TMEM132A: variants seen among roughly 807,000 people sequenced by gnomAD.
TMEM132A encodes the protein GRP78-binding protein.
TMEM132A carries 48 observed loss-of-function variants against 69.9 expected under a neutral mutation model. That is an observed-to-expected ratio of 0.69 (90% CI 0.55 to 0.87). TMEM132A has a LOEUF of 0.87. Among genes scored for constraint, TMEM132A ranks in the 40% least tolerant of loss-of-function variants. The pLI, the probability that TMEM132A is intolerant of heterozygous loss-of-function variation, is 0.00. For synonymous variants in TMEM132A, 577 were observed against 613.7 expected (o/e 0.94, Z 0.88); for missense variants, 1,287 against 1,407.2 (o/e 0.91, Z 1.37).
rs767027606 is a variant in TMEM132A at position 60,927,675 on chromosome 11, G to A, written c.350G>A (p.Arg117Gln). The A allele has an allele frequency of 1.7e-5, 28 of 1,613,050 alleles. 1 individual carries two copies. The East Asian group carries it at 5.8e-4, about 33-fold the overall frequency. Residue 117 changes from arginine to glutamine, a missense_variant, in exon 3 of 11, where the codon CGG (arginine) becomes CAG (glutamine). Transcript: ENST00000453848. ...VPPRVTEPHQ[R>Q]PVPWDVRAVS... Reference sequence around the variant, plus strand: ...CCTCGAGTCACTGAGCCCCACCAACGGCCAGTCCCATGGGACGTGCGGGCC... The same window carrying A: ...CCTCGAGTCACTGAGCCCCACCAACAGCCAGTCCCATGGGACGTGCGGGCC...
At position 60,935,416 on chromosome 11, in the gene TMEM132A, ACAGT is replaced by A; in HGVS notation, c.2005_2008del (p.Ser669ProfsTer59). 2 of 1,609,242 alleles carry A rather than the reference ACAGT, an allele frequency of 1.2e-6. No homozygotes were observed. The highest frequency in any genetic ancestry group is 2.2e-5 in the East Asian group (1 of 44,708). On this transcript the variant is annotated frameshift_variant, in exon 10 of 11. Transcript: ENST00000453848. LOFTEE classifies it high-confidence loss of function. The surrounding 1 kb of genome is among the most constrained non-coding windows in gnomAD (Gnocchi z 5.0). ...GGGAGGTCACAGCTACGTGCTGGGC[ACAGT>A]CAGCCCTTCCCGCCCCAAAGCAGGT...
rs768837760 is a variant in TMEM132A at position 60,936,698 on chromosome 11, G to A, written c.2863G>A (p.Glu955Lys). ...CTCCTCAAGCACCCTGGCCCGAAAGGAGGCTGGGGGGCGGCGGAAGCGAGT... is the reference window on the plus strand; with the variant it reads ...CTCCTCAAGCACCCTGGCCCGAAAGAAGGCTGGGGGGCGGCGGAAGCGAGT... ...TSSSSTLARK[E>K]AGGRRKRVEF... The change falls in exon 11 of 11, where the codon GAG (glutamate) becomes AAG (lysine). Residue 955 changes from glutamate (E) to lysine (K), a missense_variant. Physicochemically the swap from Glu to Lys is moderately conservative, Grantham distance 56 (BLOSUM62 1). Coordinates refer to ENST00000453848, the MANE Select transcript of TMEM132A (RefSeq NM_178031.3). 1.3e-6 allele frequency: 2 copies of A among 1,569,352 alleles called. No homozygotes were observed. Among genetic ancestry groups the A allele is most frequent in the Non-Finnish European group, 1.7e-6 (2 of 1,158,008 alleles).
intron 1 of TMEM132A, chr11:60,926,435 A>G (rs1357818972): frequency 2.0e-5 from 3 of 152,394 alleles, no homozygotes; most frequent in African/African-American, 7.2e-5. Context: ...GAGTTCATAT[A>G]CATACAGTAT....
In TMEM132A at chr11:60,935,672, C is replaced by T; in HGVS notation, c.2029-192C>T. The T allele has an allele frequency of 1.2e-6, 1 of 800,050 alleles. No homozygotes were observed. Among genetic ancestry groups the T allele is most frequent in the Non-Finnish European group, 1.9e-6 (1 of 514,538 alleles). The allele number at this position is 800,050 out of a possible 1,614,324, so 49.6% of individuals were successfully genotyped here. Reference sequence around the variant, plus strand: ...CTCTAACTGAGGACCCTCCCAATAACTCAGACCCTAGGGCTGAGTGGCAGA... The same window carrying T: ...CTCTAACTGAGGACCCTCCCAATAATTCAGACCCTAGGGCTGAGTGGCAGA... On this transcript the variant is annotated intron_variant, in intron 10 of 10. Transcript: ENST00000453848. The surrounding 1 kb of genome is among the most constrained non-coding windows in gnomAD (Gnocchi z 5.0).
rs1238894240 is a variant in TMEM132A at position 60,935,946 on chromosome 11, T to C, written c.2111T>C (p.Leu704Pro). The change falls in exon 11 of 11, where the codon CTG becomes CCG. Residue 704 changes from leucine to proline, a missense_variant. By Grantham distance (98) the Leu-to-Pro change is moderately conservative (BLOSUM62 -3). Transcript: ENST00000453848. This position sits in a 1 kb window ranked among gnomAD's most constrained non-coding sequence, Gnocchi z 5.0. ...AELYDRRDLG[L>P]SVSAEEPGAI... is the part of the protein sequence containing the mutation. ...CTCTACGACCGCCGTGACCTGGGACTGTCCGTCTCAGCCGAGGAGCCTGGT... is the reference window on the plus strand; with the variant it reads ...CTCTACGACCGCCGTGACCTGGGACCGTCCGTCTCAGCCGAGGAGCCTGGT... 3 of 1,611,926 alleles carry C rather than the reference T, an allele frequency of 1.9e-6. No homozygotes were observed. Among genetic ancestry groups the C allele is most frequent in the Admixed American group, 1.7e-5 (1 of 60,014 alleles).
chr11:60,937,015 C>A lies in TMEM132A; in HGVS notation c.*108C>A. ...CGTCTGGTGCTTGTTGATCCAAGTC[C>A]CCTGCCTGGTCCCCCACAAGGACTC... On this transcript the variant is annotated 3_prime_UTR_variant, in exon 11 of 11. Transcript: ENST00000453848. 1 of 1,286,526 alleles carries A rather than the reference C, an allele frequency of 7.8e-7. No individual in the cohort carries two copies. The highest frequency in any genetic ancestry group is 1.0e-6 in the Non-Finnish European group (1 of 959,366). 79.7% of individuals were successfully genotyped at this position (1,286,526 alleles called of 1,614,324 possible). A position where few individuals can be genotyped will look rare whatever the true frequency, so the allele number is the denominator to read the frequency against.
rs1346849448 is a variant in TMEM132A, at chr11:60,933,729, C to T, written c.1544C>T (p.Pro515Leu). Residue 515 changes from proline (P) to leucine (L), a missense_variant, in exon 8 of 11, where the codon CCT becomes CTT. By Grantham distance (98) the Pro-to-Leu change is moderately conservative (BLOSUM62 -3). Transcript: ENST00000453848. The stretch of plus-strand genomic sequence containing the variant: ...GAGCAGGTCCGCGGCTGGAGGGTAC[C>T]TGGCCCTGCTGAAGGGTGAGTGGAG... ...TLEQVRGWRVPGPAEGPAEPA... is the reference protein window; with the variant it reads ...TLEQVRGWRVLGPAEGPAEPA... 6.3e-7 allele frequency: 1 copy of T among 1,579,472 alleles called. No individual in the cohort carries two copies. Among genetic ancestry groups the T allele is most frequent in the Non-Finnish European group, 8.6e-7 (1 of 1,164,024 alleles).
chr11:60,934,444 G>T (rs1170329275), intron 8 of TMEM132A, 44 bp from the exon 9 acceptor site: 2 of 1,335,004 alleles, frequency 1.5e-6, no homozygotes, highest in South Asian at 3.7e-5. Context: ...GCAGGCTGGG[G>T]CCGCTCAGCG....
chr11:60,935,276 A>T lies in TMEM132A; in HGVS notation c.1861A>T (p.Ile621Phe). ...GGTGCGTTCCCCACTGTCTGACTCC[A>T]TCCTGGGGGAGCAGGCGCTGGCTGT... ...IEVRSPLSDS[I>F]LGEQALAVTD... Residue 621 changes from isoleucine (I) to phenylalanine (F), a missense_variant, in exon 10 of 11, where the codon ATC becomes TTC. Transcript: ENST00000453848. This position sits in a 1 kb window ranked among gnomAD's most constrained non-coding sequence, Gnocchi z 5.0. The T allele has an allele frequency of 6.2e-7, 1 of 1,611,670 alleles. No homozygotes were observed. The highest frequency in any genetic ancestry group is 8.5e-7 in the Non-Finnish European group (1 of 1,179,450).
chr11:60,928,864 C>T lies in TMEM132A; in HGVS notation c.770C>T (p.Thr257Ile), dbSNP rs773160813. The change falls in exon 4 of 11, where the codon ACT becomes ATT. Residue 257 changes from threonine to isoleucine, a missense_variant. Transcript: ENST00000453848. ...YQEVPLDEAV[T>I]LRVPDMPVRP... is the part of the protein sequence containing the mutation. ...GAGGTACCTCTGGACGAGGCTGTGACTCTGCGGGTGCCTGACATGCCAGTG... is the reference window on the plus strand; with the variant it reads ...GAGGTACCTCTGGACGAGGCTGTGATTCTGCGGGTGCCTGACATGCCAGTG... The T allele has an allele frequency of 1.7e-5, 28 of 1,612,730 alleles. No individual in the cohort carries two copies. In the East Asian group the frequency reaches 5.8e-4, roughly 33 times the overall value.
chr11:60,935,289 A>G lies in TMEM132A; in HGVS notation c.1874A>G (p.Gln625Arg). 6.2e-7 allele frequency: 1 copy of G among 1,612,394 alleles called. No homozygotes were observed. Among genetic ancestry groups the G allele is most frequent in the Non-Finnish European group, 8.5e-7 (1 of 1,179,622 alleles). The change falls in exon 10 of 11, where the codon CAG becomes CGG. Residue 625 changes from glutamine to arginine, a missense_variant. Gln to Arg is a conservative substitution (Grantham distance 43). Transcript: ENST00000453848. The surrounding 1 kb of genome is among the most constrained non-coding windows in gnomAD (Gnocchi z 5.0). ...SPLSDSILGEQALAVTDDKVS... is the reference protein window; with the variant it reads ...SPLSDSILGERALAVTDDKVS... ...CTGTCTGACTCCATCCTGGGGGAGC[A>G]GGCGCTGGCTGTGACGGACGACAAG...
Position 60,936,533 on chromosome 11 carries a change from A to T in TMEM132A, c.2698A>T (p.Thr900Ser). Residue 900 changes from threonine (T) to serine (S), a missense_variant, in exon 11 of 11, where the codon ACT becomes TCT. Coordinates refer to ENST00000453848, the MANE Select transcript of TMEM132A (RefSeq NM_178031.3). ...PQPHNWVWLG[T>S]DQEELSRQLD... The stretch of plus-strand genomic sequence containing the variant: ...GCCCCACAACTGGGTCTGGCTGGGC[A>T]CTGACCAGGAGGAACTGAGCCGCCA... 1 of 1,613,518 alleles carries T rather than the reference A, an allele frequency of 6.2e-7. No homozygotes were observed. The highest frequency in any genetic ancestry group is 8.5e-7 in the Non-Finnish European group (1 of 1,179,924).
chr11:60,934,309 G>A, intron 8 of TMEM132A, 179 bp from the exon 9 acceptor site: 2 of 511,848 alleles, frequency 3.9e-6, no homozygotes, highest in Non-Finnish European at 6.3e-6. Context: ...GGGCTGGGGC[G>A]GCTCGCCTGC....
At chr11:60,930,830 A>G (rs1370402902) in intron 5 of TMEM132A, among the ~76,000 whole-genome samples, 171 bp downstream of exon 5, 1 of 152,124 alleles carries the variant, frequency 6.6e-6, no homozygotes, top group Non-Finnish European at 1.5e-5. Context: ...TCCTTCATTC[A>G]TTCATTCGGC....
In TMEM132A at chr11:60,931,757, C is replaced by G. The variant is rs748299271; in HGVS notation, c.1085C>G (p.Ala362Gly). ...VVENSTGGGVAVTRPVTWQLE... is the reference protein window; with the variant it reads ...VVENSTGGGVGVTRPVTWQLE... Reference sequence around the variant, plus strand: ...GAGAATAGCACTGGTGGGGGCGTAGCGGTCACTCGCCCCGTCACGTGGCAG... The same window carrying G: ...GAGAATAGCACTGGTGGGGGCGTAGGGGTCACTCGCCCCGTCACGTGGCAG... The change falls in exon 6 of 11, where the codon GCG (alanine) becomes GGG (glycine). Residue 362 changes from alanine (A) to glycine (G), a missense_variant. Coordinates refer to ENST00000453848, the MANE Select transcript of TMEM132A (RefSeq NM_178031.3). 147 of 1,614,042 alleles carry G rather than the reference C, an allele frequency of 9.1e-5. No individual in the cohort carries two copies. The highest frequency in any genetic ancestry group is 1.2e-4 in the Non-Finnish European group (136 of 1,180,020).
chr11:60,932,015 C>G lies in TMEM132A; in HGVS notation c.1244C>G (p.Thr415Ser). ...AEELVNTAPL[T>S]GVPQHVPVRL... ...GAGCTGGTGAATACAGCACCACTGA[C>G]TGGAGTGCCCCAGCATGTCCCCGTG... is the stretch of plus-strand genomic sequence containing the variant. The change falls in exon 7 of 11, where the codon ACT becomes AGT. Residue 415 changes from threonine to serine, a missense_variant. Physicochemically the swap from Thr to Ser is moderately conservative, Grantham distance 58. Transcript: ENST00000453848. 1 of 1,601,752 alleles carries G rather than the reference C, an allele frequency of 6.2e-7. No homozygotes were observed. The highest frequency in any genetic ancestry group is 8.5e-7 in the Non-Finnish European group (1 of 1,174,114).
At position 60,936,023 on chromosome 11, in the gene TMEM132A, G is replaced by T. The variant is rs1244776492; in HGVS notation, c.2188G>T (p.Gly730Trp). The T allele has an allele frequency of 6.2e-7, 1 of 1,603,982 alleles. No homozygotes were observed. The highest frequency in any genetic ancestry group is 1.1e-5 in the South Asian group (1 of 90,344). ...TGCCCAGCTCGGGGTGGTGGTGAGT[G>T]GGGCAGGCGCCGAGGGGCTGCCGCT... Reference protein sequence around the residue: ...QGAQLGVVVSGAGAEGLPLHV... With the variant: ...QGAQLGVVVSWAGAEGLPLHV... The change falls in exon 11 of 11, where the codon GGG becomes TGG. Residue 730 changes from glycine to tryptophan, a missense_variant. By Grantham distance (184) the Gly-to-Trp change is radical. Coordinates refer to ENST00000453848, the MANE Select transcript of TMEM132A (RefSeq NM_178031.3).
At chr11:60,933,856 G>C in intron 8 of TMEM132A, 112 bp downstream of exon 8, 4 of 1,008,420 alleles carry the variant, frequency 4.0e-6, no homozygotes, top group Non-Finnish European at 4.3e-6. Flanking sequence ...CTGCCCTGTT[G>C]CTTGCAGTTC....
intron 4 of TMEM132A, among the ~76,000 whole-genome samples, chr11:60,929,666 T>G (rs2023854): frequency 0.46 from 70,524 of 151,706 alleles, 16,799 homozygotes; most frequent in African/African-American, 0.57. Flanking sequence ...TTTGTAATGA[T>G]ATCTTTCCTG....
Sources: allele counts gnomAD v4.1 joint callset (sites outside exome capture counted in the v4.1 genomes callset), GRCh38; gene constraint gnomAD v4.1.1; non-coding constraint Gnocchi (gnomAD v3.1); transcripts MANE v1.5; gene names NCBI Gene and HGNC (gene_info 2026-07-23, HGNC 2026-07-21).